Variants in MYO1F observed in about 807,000 individuals in gnomAD.
MYO1F encodes myosin IF.
In MYO1F, 60 loss-of-function variants were observed where a neutral mutation model predicts 146.6. The ratio of observed to expected loss-of-function variants is 0.41; its 90% CI spans 0.33 to 0.51. The LOEUF (loss-of-function observed/expected upper bound fraction) is 0.51, where lower values mean the gene tolerates loss of function less well. Ranked by LOEUF, MYO1F falls within the 20% of genes least tolerant of loss-of-function variation. MYO1F has a pLI of 0.25. For synonymous variants in MYO1F, 602 were observed against 602.1 expected (o/e 1.00, Z 0.00); for missense variants, 1,274 against 1,534.3 (o/e 0.83, Z 2.83).
At chr19:8,558,885 G>C (rs1355980530) in intron 1 of MYO1F, among the ~76,000 whole-genome samples, 1 of 151,928 alleles carries the variant, frequency 6.6e-6, no homozygotes, top group Non-Finnish European at 1.5e-5. Flanking sequence ...AAGTATTTTT[G>C]TATTTTTGAG....
chr19:8,547,986 A>ACCCCCCCCCC, intron 12 of MYO1F, 50 bp downstream of exon 12: 1 of 837,532 alleles, frequency 1.2e-6, no homozygotes, highest in Non-Finnish European at 2.1e-6. Context: ...TGGTCCTTCC[A>ACCCCCCCCCC]CCCCACCCCC....
At chr19:8,525,688 C>T in intron 24 of MYO1F, 126 bp from the exon 25 acceptor site, 1 of 802,076 alleles carries the variant, frequency 1.2e-6, no homozygotes, top group South Asian at 1.4e-5. Context: ...AGCACCGCCC[C>T]TTAGGTACAG....
chr19:8,537,082 TG>T, intron 16 of MYO1F, 27 bp from the exon 17 acceptor site: 1 of 1,423,302 alleles, frequency 7.0e-7, no homozygotes, highest in Non-Finnish European at 9.7e-7. Flanking sequence ...GACGGGTGGG[TG>T]GGGGGCACAG....
intron 1 of MYO1F, among the ~76,000 whole-genome samples, chr19:8,560,421 G>A (rs1411920947): frequency 6.6e-6 from 1 of 151,394 alleles, no homozygotes; most frequent in Non-Finnish European, 1.5e-5. Context: ...GGAGGCAGAG[G>A]TTGCAGTGAG....
At chr19:8,532,099 CAG>C (rs1201890462) in intron 19 of MYO1F, among the ~76,000 whole-genome samples, 3 of 150,962 alleles carry the variant, frequency 2.0e-5, no homozygotes, top group Admixed American at 6.6e-5. Flanking sequence ...GCCTGGGCGA[CAG>C]AGTGAGACTC....
At chr19:8,544,618 G>A (rs989906129) in intron 13 of MYO1F, among the ~76,000 whole-genome samples, 154 bp from the exon 14 acceptor site, 1 of 151,610 alleles carries the variant, frequency 6.6e-6, no homozygotes, top group African/African-American at 2.4e-5. Context: ...TCAAATACAA[G>A]CACAAAAGGC....
At chr19:8,534,004 A>G (rs1208238138) in intron 19 of MYO1F, among the ~76,000 whole-genome samples, 1 of 151,772 alleles carries the variant, frequency 6.6e-6, no homozygotes, top group Non-Finnish European at 1.5e-5. Flanking sequence ...CAGGGTGAAA[A>G]CCCATCTCTA....
Position 8,562,259 on chromosome 19 carries a change from ACAAAGCACTG to A in MYO1F, c.4-6473_4-6464del, listed in dbSNP as rs561665230. Reference sequence around the variant, plus strand: ...CTCGTTACCCGCCCGCCTTGGCCTCACAAAGCACTGGGATTATAGGCATGAGCCACCGCAC... The same window carrying A: ...CTCGTTACCCGCCCGCCTTGGCCTCAGGATTATAGGCATGAGCCACCGCAC... On this transcript the variant is annotated intron_variant, in intron 1 of 27. Coordinates refer to ENST00000644032, the MANE Select transcript of MYO1F (RefSeq NM_012335.4). 4.0e-5 allele frequency among the ~76,000 whole-genome samples: 6 copies of A among 150,258 alleles called. No homozygotes were observed. The South Asian group carries it at 1.3e-3, about 32-fold the overall frequency.
At chr19:8,553,894 A>ACACACACACACACACACACACACACACT in intron 4 of MYO1F, among the ~76,000 whole-genome samples, 4 of 102,668 alleles carry the variant, frequency 3.9e-5, no homozygotes, top group Non-Finnish European at 5.7e-5. Context: ...ACACACACAC[A>ACACACACACACACACACACACACACACT]CTCTCTCTCT....
At position 8,555,669 on chromosome 19, in the gene MYO1F, T is replaced by C. The variant is rs751212776; in HGVS notation, c.131A>G (p.Asp44Gly). 6.2e-7 allele frequency: 1 copy of C among 1,614,098 alleles called. No individual in the cohort carries two copies. Among genetic ancestry groups the C allele is most frequent in the South Asian group, 1.1e-5 (1 of 91,090 alleles). Residue 44 changes from aspartate (D) to glycine (G), a missense_variant, in exon 2 of 28, where the codon GAC (aspartate) becomes GGC (glycine). Around this residue, in one of 2 missense-constraint regions of MYO1F, gnomAD observed 900 missense variants for 1,155.1 expected, o/e 0.78. Coordinates refer to ENST00000644032, the MANE Select transcript of MYO1F (RefSeq NM_012335.4). ...AANLRKRFMD[D>G]YIFTYIGSVL... Reference sequence around the variant, plus strand: ...CTTGGCCCAGGGTACGAAGATGTAGTCGTCCATGAAGCGCTTCCGGAGGTT... The same window carrying C: ...CTTGGCCCAGGGTACGAAGATGTAGCCGTCCATGAAGCGCTTCCGGAGGTT...
chr19:8,560,931 G>T (rs1343844596), intron 1 of MYO1F, among the ~76,000 whole-genome samples: 1 of 152,072 alleles, frequency 6.6e-6, no homozygotes, highest in Middle Eastern at 3.4e-3. Flanking sequence ...TAGAGACGGG[G>T]TTTCACTGTA....
chr19:8,525,834 C>T (rs1972245215), intron 24 of MYO1F, among the ~76,000 whole-genome samples: 1 of 152,196 alleles, frequency 6.6e-6, no homozygotes, highest in Admixed American at 6.5e-5. Context: ...CTGGCCGCAC[C>T]CCTCTACATT....
chr19:8,539,371 G>A (rs950352241), intron 16 of MYO1F, among the ~76,000 whole-genome samples: 4 of 151,786 alleles, frequency 2.6e-5, no homozygotes, highest in African/African-American at 9.7e-5. Context: ...CCGAGATCAC[G>A]CCATTGCACT....
rs927387363 is a variant in MYO1F at position 8,547,851 on chromosome 19, A to G, written c.1269+185T>C. Reference sequence around the variant, plus strand: ...TTGCTGAATGAATGAACTAAGAGGCACGGTCCTTCCCAAAGCTTTAGAGGC... The same window carrying G: ...TTGCTGAATGAATGAACTAAGAGGCGCGGTCCTTCCCAAAGCTTTAGAGGC... On this transcript the variant is annotated intron_variant, in intron 12 of 27. Transcript: ENST00000644032. The G allele has an allele frequency of 9.4e-5, 58 of 619,074 alleles. 1 individual carries two copies. The East Asian group carries it at 1.5e-3, about 16-fold the overall frequency. The allele number at this position is 619,074 out of a possible 1,614,324, so 38.3% of individuals were successfully genotyped here. A position where few individuals can be genotyped will look rare whatever the true frequency, so the allele number is the denominator to read the frequency against.
intron 1 of MYO1F, among the ~76,000 whole-genome samples, chr19:8,560,355 C>T (rs929427246): frequency 3.3e-5 from 5 of 151,562 alleles, no homozygotes; most frequent in East Asian, 2.0e-4. Flanking sequence ...TGTGGGGGTG[C>T]GCGCCTGTAA....
intron 12 of MYO1F, 179 bp downstream of exon 12, chr19:8,547,857 C>G: frequency 1.6e-6 from 1 of 629,946 alleles, no homozygotes; most frequent in Non-Finnish European, 2.8e-6. Context: ...AGGCACGGTC[C>G]TTCCCAAAGC....
intron 19 of MYO1F, among the ~76,000 whole-genome samples, chr19:8,535,290 G>C (rs1350692708): frequency 6.6e-6 from 1 of 151,992 alleles, no homozygotes; most frequent in Non-Finnish European, 1.5e-5. Flanking sequence ...GTTCTTATAG[G>C]ATTTTACCAC....
At chr19:8,527,567 G>T in intron 21 of MYO1F, 84 bp from the exon 22 acceptor site, 1 of 1,550,678 alleles carries the variant, frequency 6.4e-7, no homozygotes, top group Non-Finnish European at 8.8e-7. Flanking sequence ...GAGGGGTGGT[G>T]CTGGCAGGTC....
At chr19:8,564,660 C>T (rs1216833178) in intron 1 of MYO1F, among the ~76,000 whole-genome samples, 1 of 151,286 alleles carries the variant, frequency 6.6e-6, no homozygotes, top group Admixed American at 6.6e-5. Flanking sequence ...GGGTCAGAAG[C>T]AGGATTGGGA....
Sources: gnomAD v4.1 joint callset for allele counts (sites outside exome capture counted in the v4.1 genomes callset) on GRCh38, gnomAD v4.1.1 for gene constraint, gnomAD v4.1.1 regional missense constraint, MANE v1.5 for transcripts, NCBI Gene and HGNC (gene_info 2026-07-23, HGNC 2026-07-21) for gene names.